Variants in RTEL1 observed in about 807,000 individuals in gnomAD.
The protein encoded by RTEL1 is regulator of telomere length.
Under a neutral mutation model 162.2 loss-of-function variants are expected in RTEL1, and 86 were observed. The observed-to-expected ratio is 0.53, with a 90% CI of 0.45 to 0.63. The LOEUF (loss-of-function observed/expected upper bound fraction) is 0.63, where lower values mean the gene tolerates loss of function less well. RTEL1 is among the 30% of genes least tolerant of loss of function. The pLI, the probability that RTEL1 is intolerant of heterozygous loss-of-function variation, is 0.00. For missense variants in RTEL1, 1,941 were observed against 1,750.2 expected, an observed-to-expected ratio of 1.11 and a Z score of -1.95; for synonymous variants, 958 against 717.9, an observed-to-expected ratio of 1.33 and a Z score of -5.35.
intron 12 of RTEL1, among the ~76,000 whole-genome samples, chr20:63,678,756 G>A (rs62207045): frequency 0.94 from 89,434 of 94,906 alleles, 44,152 homozygotes; most frequent in Admixed American, 0.96. Context: ...CCCACGGAAC[G>A]GCACACTCTC....
intron 28 of RTEL1, chr20:63,692,129 C>T: frequency 2.7e-6 from 1 of 377,190 alleles, no homozygotes; most frequent in Non-Finnish European, 4.9e-6. Context: ...TGCACACCTG[C>T]CTCATGTGAG....
chr20:63,670,899 CAGCCCGCGTG>C (rs2090228529), intron 8 of RTEL1, among the ~76,000 whole-genome samples: 1 of 152,064 alleles, frequency 6.6e-6, no homozygotes, highest in Non-Finnish European at 1.5e-5. Flanking sequence ...AACTGGGAAG[CAGCCCGCGTG>C]AGCCCATCCA....
At position 63,685,481 on chromosome 20, in the gene RTEL1, G is replaced by T. The variant is rs75451331; in HGVS notation, c.1192-42G>T. ...GGCTGATGCTGCAGAAAGTCGGGTG[G>T]CCTCAGGCTCCTGACGGGGCTGCAC... On this transcript the variant is annotated intron_variant, in intron 14 of 34. Transcript: ENST00000360203. 121,147 of 1,597,160 alleles carry T rather than the reference G, an allele frequency of 0.076. 4,912 individuals are homozygous for T. The highest frequency in any genetic ancestry group is 0.084 in the Non-Finnish European group (98,349 of 1,171,068).
rs796980202 is a variant in RTEL1 at position 63,696,216 on chromosome 20, GCTCT to G, written c.*361_*364del. The G allele has an allele frequency of 1.8e-4, 70 of 382,876 alleles. No individual in the cohort carries two copies. The highest frequency in any genetic ancestry group is 1.1e-3 in the African/African-American group (55 of 48,530). The allele number at this position is 382,876 out of a possible 1,614,324, so 23.7% of individuals were successfully genotyped here. A position where few individuals can be genotyped will look rare whatever the true frequency, so the allele number is the denominator to read the frequency against. On this transcript the variant is annotated 3_prime_UTR_variant, in exon 35 of 35. Coordinates refer to ENST00000360203, the MANE Select transcript of RTEL1 (RefSeq NM_001283009.2). ...TGTCCACTTTTAATCAGGGGACAGG[GCTCT>G]CTAATAAAGCTGCTGGCAGTGCCCA... is the stretch of plus-strand genomic sequence containing the variant.
intron 14 of RTEL1, chr20:63,682,042 G>GGTAGCCCT: frequency 1.0e-6 from 1 of 985,460 alleles, no homozygotes; most frequent in African/African-American, 1.7e-5. Context: ...GGCCAGGCGA[G>GGTAGCCCT]GTAGCCCTGC....
intron 14 of RTEL1, among the ~76,000 whole-genome samples, chr20:63,683,780 C>T (rs1252119324): frequency 2.0e-5 from 3 of 152,116 alleles, no homozygotes; most frequent in Admixed American, 6.5e-5. Flanking sequence ...CAGGAACGGT[C>T]GTCACGCGCT....
intron 30 of RTEL1, 68 bp from the exon 31 acceptor site, chr20:63,694,304 G>GCCCCCCCCCCCCCCCCCC: frequency 1.2e-6 from 1 of 813,004 alleles, no homozygotes; most frequent in Non-Finnish European, 2.1e-6. Flanking sequence ...AGCCAGCCCT[G>GCCCCCCCCCCCCCCCCCC]CCCCCCCACC....
chr20:63,692,411 G>C, intron 28 of RTEL1: 1 of 305,002 alleles, frequency 3.3e-6, no homozygotes, highest in Non-Finnish European at 6.4e-6. Flanking sequence ...TGTGTAGAGA[G>C]ATGGGCACTG....
At chr20:63,680,823 A>C (rs1274502525) in intron 14 of RTEL1, 104 bp downstream of exon 14, 17 of 1,556,554 alleles carry the variant, frequency 1.1e-5, no homozygotes, top group Non-Finnish European at 1.4e-5. Context: ...GATGGGAGAA[A>C]GGCCCCTACA....
At chr20:63,662,477 A>AAC in intron 4 of RTEL1, 69 bp from the exon 5 acceptor site, 1 of 1,598,154 alleles carries the variant, frequency 6.3e-7, no homozygotes, top group Non-Finnish European at 8.5e-7. Flanking sequence ...CATACAGCTC[A>AAC]CGCTGCAGGG....
At chr20:63,678,516 G>A (rs1198173081) in intron 12 of RTEL1, among the ~76,000 whole-genome samples, 170 bp downstream of exon 12, 1 of 151,940 alleles carries the variant, frequency 6.6e-6, no homozygotes, top group East Asian at 1.9e-4. Context: ...TTGCTGAGAT[G>A]TTGAGAGGAG....
chr20:63,667,653 C>T (rs987566900), intron 8 of RTEL1, 100 bp downstream of exon 8: 5 of 976,016 alleles, frequency 5.1e-6, no homozygotes, highest in African/African-American at 4.8e-5. Flanking sequence ...GGCCTTAGAT[C>T]AGCAGGCCTG....
chr20:63,673,423 C>T (rs553995304), intron 9 of RTEL1, among the ~76,000 whole-genome samples: 2 of 152,186 alleles, frequency 1.3e-5, no homozygotes, highest in South Asian at 2.1e-4. Flanking sequence ...GAATAATTGG[C>T]AATTCCAGTG....
chr20:63,660,107 G>T (rs1459520772), intron 2 of RTEL1, among the ~76,000 whole-genome samples: 1 of 152,194 alleles, frequency 6.6e-6, no homozygotes, highest in African/African-American at 2.4e-5. Context: ...CCTGCCACAG[G>T]GCGGCTTTTC....
At chr20:63,691,569 T>C (rs2090744917) in intron 27 of RTEL1, among the ~76,000 whole-genome samples, 173 bp from the exon 28 acceptor site, 1 of 152,108 alleles carries the variant, frequency 6.6e-6, no homozygotes, top group Admixed American at 6.5e-5. Context: ...CTGGTGTGAC[T>C]TGGACAGGAC....
At chr20:63,692,780 G>C in intron 28 of RTEL1, 25 bp from the exon 29 acceptor site, 1 of 1,598,566 alleles carries the variant, frequency 6.3e-7, no homozygotes, top group South Asian at 1.1e-5. Context: ...TGGCCCTGAT[G>C]GAGCCTCGGG....
chr20:63,681,392 G>C (rs1324301468), intron 14 of RTEL1: 1 of 985,326 alleles, frequency 1.0e-6, no homozygotes, highest in Non-Finnish European at 1.2e-6. Context: ...AGAAGTCCCT[G>C]ACTGGGGAAG....
chr20:63,683,474 T>C (rs936724392), intron 14 of RTEL1, among the ~76,000 whole-genome samples: 1 of 152,264 alleles, frequency 6.6e-6, no homozygotes, highest in Non-Finnish European at 1.5e-5. Flanking sequence ...TCTCTCCTTC[T>C]GTGCGTACCC....
Position 63,690,955 on chromosome 20 carries a change from TC to T in RTEL1, c.2556+10del. 1 of 1,546,810 alleles carries T rather than the reference TC, an allele frequency of 6.5e-7. No homozygotes were observed. The highest frequency in any genetic ancestry group is 8.7e-7 in the Non-Finnish European group (1 of 1,146,070). On this transcript the variant is annotated intron_variant, in intron 27 of 34. Transcript: ENST00000360203. ...AGCCCTGGCGAGGAGCAGGTACAGTTCCAGGGCCTTGGGATGGACACAGACC... is the reference window on the plus strand; with the variant it reads ...AGCCCTGGCGAGGAGCAGGTACAGTTCAGGGCCTTGGGATGGACACAGACC...
Sources: gnomAD v4.1 joint callset for allele counts (sites outside exome capture counted in the v4.1 genomes callset) on GRCh38, gnomAD v4.1.1 for gene constraint, MANE v1.5 for transcripts, NCBI Gene and HGNC (gene_info 2026-07-23, HGNC 2026-07-21) for gene names.